The following BCL11A variants were observed in gnomAD, a reference collection of about 807,000 sequenced individuals.
BCL11A encodes B cell CLL/lymphoma 11A.
Under a neutral mutation model 55.9 loss-of-function variants are expected in BCL11A, and 2 were observed. The ratio of observed to expected loss-of-function variants is 0.04; its 90% confidence interval spans 0.01 to 0.11. The LOEUF (loss-of-function observed/expected upper bound fraction) is 0.11, where lower values mean the gene tolerates loss of function less well. BCL11A is among the 10% of genes least tolerant of loss of function. BCL11A has a pLI of 1.00. For missense variants in BCL11A, 817 were observed against 1,137.1 expected (o/e 0.72, Z 4.05); for synonymous variants, 465 against 473.4 (o/e 0.98, Z 0.23).
At chr2:60,455,350 T>A (rs377669171), downstream of BCL11A, among the ~76,000 whole-genome samples, 2 of 152,330 alleles carry the variant, frequency 1.3e-5, no homozygotes, top group South Asian at 4.1e-4. Context: ...TTATTTTATA[T>A]TAAGATTTTA....
chr2:60,552,743 T>C (rs1670472611), intron 1 of BCL11A, among the ~76,000 whole-genome samples: 1 of 152,100 alleles, frequency 6.6e-6, no homozygotes, highest in Admixed American at 6.5e-5. Context: ...AATCGTTTTT[T>C]AGACTTGTAC....
chr2:60,455,946 A>G (rs555504548), downstream of BCL11A, among the ~76,000 whole-genome samples: 6 of 152,264 alleles, frequency 3.9e-5, no homozygotes, highest in African/African-American at 1.4e-4. Flanking sequence ...AGTGACAAAC[A>G]TCAAGTTCTC....
At chr2:60,477,615 A>AGAAAGAAG (rs1677689900) in intron 2 of BCL11A, among the ~76,000 whole-genome samples, 1 of 152,140 alleles carries the variant, frequency 6.6e-6, no homozygotes, top group Non-Finnish European at 1.5e-5. Context: ...AAAGAAAGAA[A>AGAAAGAAG]GAAAGAAAGA....
chr2:60,529,203 A>G (rs547195736), intron 2 of BCL11A, among the ~76,000 whole-genome samples: 2 of 152,344 alleles, frequency 1.3e-5, no homozygotes, highest in South Asian at 2.1e-4. Flanking sequence ...CCCCAGGAGC[A>G]CACAGTTCCA....
intron 2 of BCL11A, among the ~76,000 whole-genome samples, chr2:60,477,600 TAAA>T (rs1352494337): frequency 9.8e-4 from 147 of 150,668 alleles, no homozygotes; most frequent in South Asian, 6.3e-4. Flanking sequence ...TAGAGTAAAA[TAAA>T]TAAAGAAAGA....
At chr2:60,491,702 A>AG (rs1398626843) in intron 2 of BCL11A, among the ~76,000 whole-genome samples, 1 of 151,252 alleles carries the variant, frequency 6.6e-6, no homozygotes, top group African/African-American at 2.4e-5. Flanking sequence ...AAAAAAAAAA[A>AG]AGAAAGAAAT....
chr2:60,456,020 G>A (rs573637823), downstream of BCL11A, among the ~76,000 whole-genome samples: 40 of 152,096 alleles, frequency 2.6e-4, no homozygotes, highest in Non-Finnish European at 4.0e-4. Context: ...CTTTCTCAGT[G>A]GATTCCTCTA....
intron 2 of BCL11A, among the ~76,000 whole-genome samples, chr2:60,511,482 A>G (rs544261565): frequency 5.3e-5 from 8 of 152,324 alleles, no homozygotes; most frequent in African/African-American, 1.9e-4. Context: ...GCTAATGGCC[A>G]CTTGTTACCA....
intron 2 of BCL11A, among the ~76,000 whole-genome samples, chr2:60,475,014 G>T (rs1015227447): frequency 1.3e-5 from 2 of 152,106 alleles, no homozygotes; most frequent in Admixed American, 6.5e-5. Context: ...TGGGAAAGAG[G>T]AAAACTTATG....
intron 2 of BCL11A, among the ~76,000 whole-genome samples, chr2:60,473,063 G>A (rs948342168): frequency 2.0e-5 from 3 of 147,316 alleles, no homozygotes; most frequent in African/African-American, 7.3e-5. Context: ...GCATGTGCAT[G>A]TGTGTATATT....
chr2:60,526,433 G>T (rs1022703162), intron 2 of BCL11A: 1 of 152,138 alleles, frequency 6.6e-6, no homozygotes, highest in Non-Finnish European at 1.5e-5. Flanking sequence ...ACTGCAGATT[G>T]TCTCCTATGC....
rs550879595 is a variant in BCL11A, at chr2:60,530,972, C to T, written c.385+14999G>A. On this transcript the variant is annotated intron_variant, in intron 2 of 3. Coordinates refer to ENST00000642384, the MANE Select transcript of BCL11A (RefSeq NM_022893.4). ...GCGCACCCTGGGACCCCTGACAAAA[C>T]AATCTATCATTCTGTCTGCTAAACC... Among the ~76,000 whole-genome samples the T allele has an allele frequency of 3.9e-5, 6 of 152,332 alleles. 1 individual carries two copies. The South Asian group carries it at 1.2e-3, about 32-fold the overall frequency.
Position 60,507,924 on chromosome 2 carries a change from CA to C in BCL11A, c.385+38046del, listed in dbSNP as rs377659913. Among the ~76,000 whole-genome samples the C allele has an allele frequency of 1.2e-4, 18 of 151,168 alleles. 1 individual carries two copies. The highest frequency in any genetic ancestry group is 3.4e-4 in the African/African-American group (14 of 41,078). ...TATTACAGTTTCTAAAGCAAAAGAA[CA>C]AAAAAAAATTCACAAAAGACATATT... On this transcript the variant is annotated intron_variant, in intron 2 of 3. Transcript: ENST00000642384.
chr2:60,551,084 A>C (rs1328188595), intron 1 of BCL11A, among the ~76,000 whole-genome samples: 1 of 152,130 alleles, frequency 6.6e-6, no homozygotes, highest in African/African-American at 2.4e-5. Context: ...ACCCCCCACC[A>C]CCACCCCTTT....
Position 60,462,066 on chromosome 2 carries a change from C to T in BCL11A, c.846G>A (p.Leu282=), listed in dbSNP as rs1228106619. ...HHLDPHRIER[L]GAEEMALATH... is the part of the protein sequence containing the mutation. The stretch of plus-strand genomic sequence containing the variant: ...TGGCCAGGGCCATCTCTTCCGCCCC[C>T]AGGCGCTCTATGCGGTGGGGGTCCA... Residue 282 remains leucine, a synonymous_variant, in exon 4 of 4, where the codon CTG becomes CTA. Coordinates refer to ENST00000642384, the MANE Select transcript of BCL11A (RefSeq NM_022893.4). The T allele has an allele frequency of 1.3e-6, 2 of 1,591,004 alleles. No homozygotes were observed. The highest frequency in any genetic ancestry group is 1.7e-6 in the Non-Finnish European group (2 of 1,168,748).
chr2:60,512,232 C>T (rs967529172), intron 2 of BCL11A, among the ~76,000 whole-genome samples: 1 of 152,268 alleles, frequency 6.6e-6, no homozygotes, highest in East Asian at 1.9e-4. Context: ...CACCTAGAGC[C>T]CCACCTGTCA....
At chr2:60,481,276 A>G (rs1235237224) in intron 2 of BCL11A, among the ~76,000 whole-genome samples, 1 of 152,080 alleles carries the variant, frequency 6.6e-6, no homozygotes, top group Non-Finnish European at 1.5e-5. Flanking sequence ...TGCTTGGGAC[A>G]TGCTGGAAGG....
rs67861577 is a variant in BCL11A, at chr2:60,546,552, AAC to A, written c.56-254_56-253del. Among the ~76,000 whole-genome samples, 85,412 of 151,642 alleles carry A rather than the reference AAC, an allele frequency of 0.56. 24,735 individuals carry two copies. Among genetic ancestry groups the A allele is most frequent in the East Asian group, 0.76 (3,932 of 5,160 alleles). ...CAGTCTTCCTTGCATAACTCCAGAG[AAC>A]ACACACACACACATATACCCATGCA... On this transcript the variant is annotated intron_variant, in intron 1 of 3. Transcript: ENST00000642384. The surrounding 1 kb of genome is among the most constrained non-coding windows in gnomAD (Gnocchi z 4.1).
In BCL11A at chr2:60,509,759, C is replaced by T. The variant is rs557329767; in HGVS notation, c.385+36212G>A. ...CTATAGGCAGTCAACTGGGGCTCTC[C>T]GAACAGCCACAATCGGGGGGCTACT... On this transcript the variant is annotated intron_variant, in intron 2 of 3. Transcript: ENST00000642384. Among the ~76,000 whole-genome samples the T allele has an allele frequency of 3.4e-4, 52 of 152,228 alleles. 1 individual carries two copies. The East Asian group carries it at 7.3e-3, about 22-fold the overall frequency.
Sources: gnomAD v4.1 joint callset for allele counts (sites outside exome capture counted in the v4.1 genomes callset) on GRCh38, gnomAD v4.1.1 for gene constraint, Gnocchi (gnomAD v3.1) non-coding constraint, MANE v1.5 for transcripts, NCBI Gene and HGNC (gene_info 2026-07-23, HGNC 2026-07-21) for gene names.